GOLM1: variants seen among roughly 807,000 people sequenced by gnomAD.
The protein encoded by GOLM1 is golgi membrane protein 1, also known as epididymis luminal protein 46.
Under a neutral mutation model 50.5 loss-of-function variants are expected in GOLM1, and 31 were observed. That is an observed-to-expected ratio of 0.61 (90% confidence interval 0.46 to 0.83). The LOEUF is 0.83. Ranked by LOEUF, GOLM1 falls within the 40% of genes least tolerant of loss-of-function variation. The probability of loss-of-function intolerance (pLI) is 0.00; values close to 1 mark genes in which losing one functional copy is unlikely to be tolerated. For missense variants in GOLM1, 491 were observed against 501.3 expected, an observed-to-expected ratio of 0.98 and a Z score of 0.20; for synonymous variants, 178 against 192.8, an observed-to-expected ratio of 0.92 and a Z score of 0.64.
intron 3 of GOLM1, among the ~76,000 whole-genome samples, chr9:86,071,650 G>A (rs1229962773): frequency 1.3e-5 from 2 of 151,710 alleles, no homozygotes; most frequent in Admixed American, 1.3e-4. Flanking sequence ...TCCAGCCTGG[G>A]CAACAGAGTG....
chr9:86,053,617 C>T (rs1564347461), intron 3 of GOLM1, among the ~76,000 whole-genome samples: 11 of 83,056 alleles, frequency 1.3e-4, no homozygotes, highest in Admixed American at 3.6e-4. Flanking sequence ...TCACACACCA[C>T]ACCAAACATC....
At chr9:86,073,902 C>A (rs993509497) in intron 3 of GOLM1, among the ~76,000 whole-genome samples, 12 of 152,176 alleles carry the variant, frequency 7.9e-5, no homozygotes, top group Admixed American at 3.3e-4. Context: ...ATAGAAAATT[C>A]TATCAGACAG....
At position 86,033,936 on chromosome 9, in the gene GOLM1, A is replaced by G. The variant is rs537515888; in HGVS notation, c.1016-541T>C. On this transcript the variant is annotated intron_variant, in intron 8 of 9. Transcript: ENST00000388712. The stretch of plus-strand genomic sequence containing the variant: ...TCAAAGGGTTTAACTTACATATTTT[A>G]TATGTGTATGCAGGCTGGTAAACAA... Among the ~76,000 whole-genome samples the G allele has an allele frequency of 3.3e-5, 5 of 150,648 alleles. No homozygotes were observed. In the South Asian group the frequency reaches 1.1e-3, roughly 32 times the overall value.
chr9:86,056,509 T>TAAA (rs1564348879), intron 3 of GOLM1, among the ~76,000 whole-genome samples: 5 of 143,202 alleles, frequency 3.5e-5, no homozygotes, highest in Middle Eastern at 3.7e-3. Flanking sequence ...TTTAAATTTT[T>TAAA]TTTTTTTTTT....
At chr9:86,033,996 A>T (rs1833060666) in intron 8 of GOLM1, among the ~76,000 whole-genome samples, 1 of 142,366 alleles carries the variant, frequency 7.0e-6, no homozygotes, top group Admixed American at 7.3e-5. Context: ...ATGGAGTCTC[A>T]CTCTGTCGCC....
intron 3 of GOLM1, among the ~76,000 whole-genome samples, chr9:86,059,921 A>AG (rs1414702506): frequency 6.6e-6 from 1 of 151,390 alleles, no homozygotes; most frequent in East Asian, 1.9e-4. Context: ...AAAAAAAAAA[A>AG]AAGTTTTGGA....
chr9:86,055,426 C>T (rs971999663), intron 3 of GOLM1, among the ~76,000 whole-genome samples: 2 of 152,164 alleles, frequency 1.3e-5, no homozygotes, highest in Non-Finnish European at 2.9e-5. Context: ...ATCCCACAAC[C>T]CCACTTGTGG....
chr9:86,090,598 C>T (rs999796396), intron 1 of GOLM1, among the ~76,000 whole-genome samples: 6 of 152,002 alleles, frequency 3.9e-5, no homozygotes, highest in Admixed American at 2.6e-4. Flanking sequence ...CTACCAAGCT[C>T]GAGCATCCCG....
chr9:86,099,655 C>G (rs1001166690), upstream of GOLM1: 3 of 149,638 alleles, frequency 2.0e-5, no homozygotes, highest in East Asian at 4.0e-4. Context: ...CAGGGGCTGC[C>G]GGGGCCGCGC....
At chr9:86,035,003 T>C (rs1001200191) in intron 8 of GOLM1, 1 of 985,162 alleles carries the variant, frequency 1.0e-6, no homozygotes, top group Non-Finnish European at 1.2e-6. Context: ...AGGCACTGAT[T>C]GTCTAAATGG....
intron 7 of GOLM1, among the ~76,000 whole-genome samples, chr9:86,035,872 AAAAAACAAAAC>A (rs1268363671): frequency 1.0e-4 from 13 of 129,108 alleles, no homozygotes; most frequent in African/African-American, 2.4e-4. Context: ...TTACCAAAAA[AAAAAACAAAAC>A]AAAAAAAAAA....
At chr9:86,088,579 T>TTG (rs1835067779) in intron 1 of GOLM1, among the ~76,000 whole-genome samples, 1 of 148,098 alleles carries the variant, frequency 6.8e-6, no homozygotes, top group African/African-American at 2.5e-5. Flanking sequence ...TTTGTTTTTT[T>TTG]TTTTTTTTTG....
At position 86,090,198 on chromosome 9, in the gene GOLM1, G is replaced by A. The variant is rs1835131660; in HGVS notation, c.-22+9213C>T. On this transcript the variant is annotated intron_variant, in intron 1 of 9. Transcript: ENST00000388712. ...GAGCTGTCAACCCCTGCTAGGAGGTGTCTTCCAGTCAGGAGGCACAGGGGT... is the reference window on the plus strand; with the variant it reads ...GAGCTGTCAACCCCTGCTAGGAGGTATCTTCCAGTCAGGAGGCACAGGGGT... Among the ~76,000 whole-genome samples, 4 of 152,202 alleles carry A rather than the reference G, an allele frequency of 2.6e-5. No individual in the cohort carries two copies. In the South Asian group the frequency reaches 6.2e-4, roughly 24 times the overall value.
At chr9:86,029,141 GCAA>G (rs1832889194) in intron 9 of GOLM1, among the ~76,000 whole-genome samples, 1 of 146,624 alleles carries the variant, frequency 6.8e-6, no homozygotes, top group Admixed American at 6.9e-5. Context: ...ACAAGCGTGA[GCAA>G]CCACGCCCAG....
At chr9:86,096,844 G>A (rs1835368214) in intron 1 of GOLM1, among the ~76,000 whole-genome samples, 3 of 152,114 alleles carry the variant, frequency 2.0e-5, no homozygotes, top group East Asian at 1.9e-4. Context: ...ACAGAAGAGT[G>A]TTAAAAAAGT....
At chr9:86,094,480 G>A (rs937655193) in intron 1 of GOLM1, among the ~76,000 whole-genome samples, 12 of 152,200 alleles carry the variant, frequency 7.9e-5, no homozygotes, top group Admixed American at 2.0e-4. Context: ...CCCAATGCTA[G>A]AAGCTGACAG....
At chr9:86,078,840 TG>T (rs1298626284) in intron 2 of GOLM1, among the ~76,000 whole-genome samples, 2 of 152,224 alleles carry the variant, frequency 1.3e-5, no homozygotes, top group Non-Finnish European at 2.9e-5. Flanking sequence ...TTCGATATCT[TG>T]GGCGCCGGAG....
chr9:86,073,671 G>A (rs945045206), intron 3 of GOLM1, among the ~76,000 whole-genome samples: 2 of 152,196 alleles, frequency 1.3e-5, no homozygotes, highest in East Asian at 1.9e-4. Flanking sequence ...CTCCACTGAG[G>A]AACATGGCTC....
chr9:86,031,449 G>GTTTTTTT (rs774806772), intron 9 of GOLM1, among the ~76,000 whole-genome samples: 1 of 79,496 alleles, frequency 1.3e-5, no homozygotes. Flanking sequence ...TACCACTGAG[G>GTTTTTTT]TTTTTTTTTT....
Sources: gnomAD v4.1 joint callset for allele counts (sites outside exome capture counted in the v4.1 genomes callset) on GRCh38, gnomAD v4.1.1 for gene constraint, MANE v1.5 for transcripts, NCBI Gene and HGNC (gene_info 2026-07-23, HGNC 2026-07-21) for gene names.